CRMP1: variants seen among roughly 807,000 people sequenced by gnomAD.
CRMP1 encodes dihydropyrimidinase-related protein 1.
A neutral mutation model predicts 68.3 loss-of-function variants in CRMP1; 19 were observed. The observed-to-expected ratio is 0.28, with a 90% CI of 0.19 to 0.41. The LOEUF is 0.41. Ranked by LOEUF, CRMP1 falls within the 10% of genes least tolerant of loss-of-function variation. The probability of loss-of-function intolerance (pLI) is 1.00; values close to 1 mark genes in which losing one functional copy is unlikely to be tolerated. For missense variants in CRMP1, 791 were observed against 967.4 expected (o/e 0.82, Z 2.42); for synonymous variants, 439 against 399.6 (o/e 1.10, Z -1.18).
At position 5,821,473 on chromosome 4, in the gene CRMP1, A is replaced by G. The variant is rs546177367; in HGVS notation, c.*287T>C. 98 of 443,486 alleles carry G rather than the reference A, an allele frequency of 2.2e-4. No individual in the cohort carries two copies. Among genetic ancestry groups the G allele is most frequent in the African/African-American group, 1.8e-3 (93 of 51,946 alleles). The allele number at this position is 443,486 out of a possible 1,614,324, so 27.5% of individuals were successfully genotyped here. On this transcript the variant is annotated 3_prime_UTR_variant, in exon 14 of 14. Transcript: ENST00000324989. This position sits in a 1 kb window ranked among gnomAD's most constrained non-coding sequence, Gnocchi z 4.4. ...GCCAGTGGAGTTAGAAGTGGAAGGG[A>G]CAGAACAAGACAATGCTAAAACCTG...
Position 5,842,508 on chromosome 4 carries a change from G to A in CRMP1, c.1032+585C>T, listed in dbSNP as rs1008197934. ...CAACTCAAAGGATGGCTGCCAGGGT[G>A]CCCACTCTATTCCATGCCCGATCAG... On this transcript the variant is annotated intron_variant, in intron 7 of 13. Transcript: ENST00000324989. The surrounding 1 kb of genome is among the most constrained non-coding windows in gnomAD (Gnocchi z 4.5). Among the ~76,000 whole-genome samples, 5 of 151,550 alleles carry A rather than the reference G, an allele frequency of 3.3e-5. No homozygotes were observed. The highest frequency in any genetic ancestry group is 7.4e-5 in the Non-Finnish European group (5 of 67,888).
At chr4:5,864,745 A>C (rs1439414134) in intron 2 of CRMP1, among the ~76,000 whole-genome samples, 1 of 152,162 alleles carries the variant, frequency 6.6e-6, no homozygotes, top group African/African-American at 2.4e-5. Flanking sequence ...AGGACAAATA[A>C]GAGATGAGGG....
At chr4:5,822,322 A>G (rs866309941) in intron 13 of CRMP1, among the ~76,000 whole-genome samples, 1 of 152,144 alleles carries the variant, frequency 6.6e-6, no homozygotes, top group Non-Finnish European at 1.5e-5. Flanking sequence ...TTGAAGCCCA[A>G]ACTGGTTGGT....
chr4:5,850,951 A>G lies in CRMP1; in HGVS notation c.882+457T>C, dbSNP rs985708192. 1.3e-5 allele frequency among the ~76,000 whole-genome samples: 2 copies of G among 152,168 alleles called. No homozygotes were observed. The highest frequency in any genetic ancestry group is 1.3e-4 in the Admixed American group (2 of 15,280). ...TGTTCCATCTTACAAATGTGAGGAGATGACTTGCCCAGCATGTTGCAGTTG... is the reference window on the plus strand; with the variant it reads ...TGTTCCATCTTACAAATGTGAGGAGGTGACTTGCCCAGCATGTTGCAGTTG... On this transcript the variant is annotated intron_variant, in intron 5 of 13. Coordinates refer to ENST00000324989, the MANE Select transcript of CRMP1 (RefSeq NM_001014809.3). The surrounding 1 kb of genome is among the most constrained non-coding windows in gnomAD (Gnocchi z 4.4).
chr4:5,884,841 G>A (rs1392452329), intron 1 of CRMP1, among the ~76,000 whole-genome samples: 2 of 152,148 alleles, frequency 1.3e-5, no homozygotes, highest in African/African-American at 2.4e-5. Context: ...CACTTCGGTA[G>A]CTCTATTCAG....
intron 1 of CRMP1, among the ~76,000 whole-genome samples, chr4:5,884,066 G>A (rs1715401116): frequency 1.3e-5 from 2 of 152,188 alleles, no homozygotes; most frequent in African/African-American, 2.4e-5. Context: ...AGTAGTGGAT[G>A]ACTAATCATG....
In CRMP1 at chr4:5,866,830, T is replaced by C. The variant is rs1421579445; in HGVS notation, c.382-74A>G. On this transcript the variant is annotated intron_variant, in intron 1 of 13. Coordinates refer to ENST00000324989, the MANE Select transcript of CRMP1 (RefSeq NM_001014809.3). This position sits in a 1 kb window ranked among gnomAD's most constrained non-coding sequence, Gnocchi z 5.9. ...AAAGTTTTTTCTTTTTAATTTTTAA[T>C]ATAAGAATTATCAAATATTTTCAAA... 9.8e-7 allele frequency: 1 copy of C among 1,023,790 alleles called. No individual in the cohort carries two copies. The highest frequency in any genetic ancestry group is 1.4e-6 in the Non-Finnish European group (1 of 711,132). The allele number at this position is 1,023,790 out of a possible 1,614,324, so 63.4% of individuals were successfully genotyped here.
chr4:5,873,873 G>A (rs1348652436), intron 1 of CRMP1, among the ~76,000 whole-genome samples: 1 of 152,214 alleles, frequency 6.6e-6, no homozygotes, highest in Non-Finnish European at 1.5e-5. Context: ...AGGGACCCCA[G>A]TGCCATGTGT....
rs773579726 is a variant in CRMP1, at chr4:5,853,882, G to A, written c.820+2261C>T. Among the ~76,000 whole-genome samples, 3 of 152,248 alleles carry A rather than the reference G, an allele frequency of 2.0e-5. No individual in the cohort carries two copies. Among genetic ancestry groups the A allele is most frequent in the African/African-American group, 4.8e-5 (2 of 41,466 alleles). On this transcript the variant is annotated intron_variant, in intron 4 of 13. Coordinates refer to ENST00000324989, the MANE Select transcript of CRMP1 (RefSeq NM_001014809.3). The surrounding 1 kb of genome is among the most constrained non-coding windows in gnomAD (Gnocchi z 4.7). ...ACTTATATGTGGAATCTAAAAAGTT[G>A]ATTTCATAGAAGCATACAAAGTTGA...
rs115933164 is a variant in CRMP1 at position 5,877,592 on chromosome 4, T to A, written c.382-10836A>T. 0.013 allele frequency among the ~76,000 whole-genome samples: 1,908 copies of A among 152,338 alleles called. 46 individuals are homozygous for A. The highest frequency in any genetic ancestry group is 0.043 in the African/African-American group (1,791 of 41,572). ...GGCCCTTTGCCACACTATCCAGGAATGCAACCCACGAAGTGGCAACCGGTA... is the reference window on the plus strand; with the variant it reads ...GGCCCTTTGCCACACTATCCAGGAAAGCAACCCACGAAGTGGCAACCGGTA... On this transcript the variant is annotated intron_variant, in intron 1 of 13. Transcript: ENST00000324989. The surrounding 1 kb of genome is among the most constrained non-coding windows in gnomAD (Gnocchi z 4.3).
chr4:5,842,780 T>G lies in CRMP1; in HGVS notation c.1032+313A>C, dbSNP rs1426086456. 6.6e-6 allele frequency among the ~76,000 whole-genome samples: 1 copy of G among 152,130 alleles called. No individual in the cohort carries two copies. Among genetic ancestry groups the G allele is most frequent in the Non-Finnish European group, 1.5e-5 (1 of 68,018 alleles). The stretch of plus-strand genomic sequence containing the variant: ...GGAGTTGTCTCCTGGGTGCTGGGCT[T>G]GGGCATGCGGCTCCACTTTCCTATT... On this transcript the variant is annotated intron_variant, in intron 7 of 13. Transcript: ENST00000324989. This position sits in a 1 kb window ranked among gnomAD's most constrained non-coding sequence, Gnocchi z 4.5.
chr4:5,889,504 A>T lies in CRMP1; in HGVS notation c.381+3085T>A, dbSNP rs1309887994. 4.1e-6 allele frequency: 6 copies of T among 1,478,880 alleles called. No homozygotes were observed. The highest frequency in any genetic ancestry group is 5.5e-6 in the Non-Finnish European group (6 of 1,096,710). The allele number at this position is 1,478,880 out of a possible 1,614,324, so 91.6% of individuals were successfully genotyped here. On this transcript the variant is annotated intron_variant, in intron 1 of 13. Coordinates refer to ENST00000324989, the MANE Select transcript of CRMP1 (RefSeq NM_001014809.3). The surrounding 1 kb of genome is among the most constrained non-coding windows in gnomAD (Gnocchi z 4.5). ...GGGCAGGAAGCCAGGTCACAGCTTG[A>T]CAAGGTCCGTAACAGCAGAGGGGAA...
Position 5,843,393 on chromosome 4 carries a change from T to C in CRMP1, c.964-232A>G, listed in dbSNP as rs1222214182. Among the ~76,000 whole-genome samples, 2 of 152,062 alleles carry C rather than the reference T, an allele frequency of 1.3e-5. No individual in the cohort carries two copies. The highest frequency in any genetic ancestry group is 6.6e-5 in the Admixed American group (1 of 15,264). ...TGGCTCCATCTGCACCTGCTTTATATTGAATCTCCCGGGATCAATGAGAGG... is the reference window on the plus strand; with the variant it reads ...TGGCTCCATCTGCACCTGCTTTATACTGAATCTCCCGGGATCAATGAGAGG... On this transcript the variant is annotated intron_variant, in intron 6 of 13. Transcript: ENST00000324989. The surrounding 1 kb of genome is among the most constrained non-coding windows in gnomAD (Gnocchi z 4.1).
rs945000078 is a variant in CRMP1, at chr4:5,842,063, C to A, written c.1033-635G>T. Among the ~76,000 whole-genome samples the A allele has an allele frequency of 2.0e-5, 3 of 152,160 alleles. No homozygotes were observed. Among genetic ancestry groups the A allele is most frequent in the Non-Finnish European group, 4.4e-5 (3 of 68,038 alleles). ...GACCATCCTGGCTAACACGGTGAAA[C>A]CCTGTCTCTACTGAAAATACAAAAA... On this transcript the variant is annotated intron_variant, in intron 7 of 13. Coordinates refer to ENST00000324989, the MANE Select transcript of CRMP1 (RefSeq NM_001014809.3). This position sits in a 1 kb window ranked among gnomAD's most constrained non-coding sequence, Gnocchi z 4.5.
chr4:5,829,037 C>A (rs1250853044), intron 11 of CRMP1, among the ~76,000 whole-genome samples: 3 of 137,830 alleles, frequency 2.2e-5, no homozygotes, highest in Non-Finnish European at 4.7e-5. Flanking sequence ...AAATTTTTTT[C>A]TCTAGGTTTC....
Position 5,851,514 on chromosome 4 carries a change from C to T in CRMP1, c.821-45G>A, listed in dbSNP as rs375605097. The T allele has an allele frequency of 3.2e-6, 5 of 1,564,254 alleles. No homozygotes were observed. In the African/African-American group the frequency reaches 4.1e-5, roughly 13 times the overall value. Reference sequence around the variant, plus strand: ...ATAGAAAAATATGTTTAAGAAAAAACAGAAGCATGTCTTTCCAATAAATCA... The same window carrying T: ...ATAGAAAAATATGTTTAAGAAAAAATAGAAGCATGTCTTTCCAATAAATCA... On this transcript the variant is annotated intron_variant, in intron 4 of 13. Transcript: ENST00000324989.
Position 5,849,394 on chromosome 4 carries a change from G to T in CRMP1, c.961C>A (p.Gln321Lys), listed in dbSNP as rs148566004. ...GAGTGGAAATTCTTGCCACTCACCTGAGCTATCAAATCTCCATTTTCTGCA... is the reference window on the plus strand; with the variant it reads ...GAGTGGAAATTCTTGCCACTCACCTTAGCTATCAAATCTCCATTTTCTGCA... ...VHAENGDLIA[Q>K]EQKRILEMGI... Residue 321 changes from glutamine to lysine, a missense_variant and splice_region_variant, in exon 6 of 14, where the codon CAG (glutamine) becomes AAG (lysine). This residue lies in a region of CRMP1 where 594 missense variants were observed against 763.6 expected (regional missense o/e 0.78). Transcript: ENST00000324989. 1.2e-6 allele frequency: 2 copies of T among 1,612,870 alleles called. No individual in the cohort carries two copies. Among genetic ancestry groups the T allele is most frequent in the East Asian group, 2.2e-5 (1 of 44,870 alleles).
At position 5,888,580 on chromosome 4, in the gene CRMP1, T is replaced by A. The variant is rs1715774966; in HGVS notation, c.381+4009A>T. 1 of 1,077,266 alleles carries A rather than the reference T, an allele frequency of 9.3e-7. No homozygotes were observed. Among genetic ancestry groups the A allele is most frequent in the African/African-American group, 1.7e-5 (1 of 59,702 alleles). 66.7% of individuals were successfully genotyped at this position (1,077,266 alleles called of 1,614,324 possible). A position where few individuals can be genotyped will look rare whatever the true frequency, so the allele number is the denominator to read the frequency against. Reference sequence around the variant, plus strand: ...CGCGGAGCGAAGCCGGATTCGCCCCTCTCGGCTCGAACCAGGAAGCGCTTC... The same window carrying A: ...CGCGGAGCGAAGCCGGATTCGCCCCACTCGGCTCGAACCAGGAAGCGCTTC... On this transcript the variant is annotated intron_variant, in intron 1 of 13. Transcript: ENST00000324989. The surrounding 1 kb of genome is among the most constrained non-coding windows in gnomAD (Gnocchi z 6.4).
Position 5,842,600 on chromosome 4 carries a change from A to ACT in CRMP1, c.1032+492_1032+493insAG, listed in dbSNP as rs1711844430. Among the ~76,000 whole-genome samples the ACT allele has an allele frequency of 2.2e-5, 1 of 45,918 alleles. No homozygotes were observed. The highest frequency in any genetic ancestry group is 4.7e-4 in the East Asian group (1 of 2,130). The allele number at this position is 45,918 out of a possible 152,430, so 30.1% of individuals were successfully genotyped here. A position where few individuals can be genotyped will look rare whatever the true frequency, so the allele number is the denominator to read the frequency against. Reference sequence around the variant, plus strand: ...TGCACCCACACTCACACACTCTCTCACACACACACACACACACTCACTCAC... The same window carrying ACT: ...TGCACCCACACTCACACACTCTCTCACTCACACACACACACACACTCACTCAC... On this transcript the variant is annotated intron_variant, in intron 7 of 13. Transcript: ENST00000324989. The surrounding 1 kb of genome is among the most constrained non-coding windows in gnomAD (Gnocchi z 4.5).
Sources: allele counts gnomAD v4.1 joint callset (sites outside exome capture counted in the v4.1 genomes callset), GRCh38; gene constraint gnomAD v4.1.1; regional missense constraint gnomAD v4.1.1; non-coding constraint Gnocchi (gnomAD v3.1); transcripts MANE v1.5; gene names NCBI Gene and HGNC (gene_info 2026-07-23, HGNC 2026-07-21).